AMOTL1: variants seen among roughly 807,000 people sequenced by gnomAD.
AMOTL1 encodes the protein angiomotin-like protein 1.
Under a neutral mutation model 102.9 loss-of-function variants are expected in AMOTL1, and 45 were observed. That is an observed-to-expected ratio of 0.44 (90% CI 0.34 to 0.56). AMOTL1 has a LOEUF of 0.56. Among genes scored for constraint, AMOTL1 ranks in the 20% least tolerant of loss-of-function variants. The probability of loss-of-function intolerance (pLI) is 0.01; values close to 1 mark genes in which losing one functional copy is unlikely to be tolerated. For missense variants in AMOTL1, 1,114 were observed against 1,225.6 expected (o/e 0.91, Z 1.36); for synonymous variants, 481 against 484.7 (o/e 0.99, Z 0.10).
chr11:94,735,608 G>A (rs1239735644), intron 2 of AMOTL1, among the ~76,000 whole-genome samples: 1 of 152,112 alleles, frequency 6.6e-6, no homozygotes, highest in Non-Finnish European at 1.5e-5. Context: ...TGGGAGTGGA[G>A]CAAAATTTCA....
At chr11:94,726,224 G>A (rs530061813) in intron 1 of AMOTL1, among the ~76,000 whole-genome samples, 1 of 152,242 alleles carries the variant, frequency 6.6e-6, no homozygotes, top group African/African-American at 2.4e-5. Context: ...TAACAGGAGA[G>A]TTAAACCTTC....
At chr11:94,716,983 C>T (rs1259734880) in intron 1 of AMOTL1, among the ~76,000 whole-genome samples, 4 of 152,034 alleles carry the variant, frequency 2.6e-5, no homozygotes, top group Non-Finnish European at 5.9e-5. Context: ...CTTACCCTTT[C>T]CCTGCCTCTG....
Position 94,866,096 on chromosome 11 carries a change from C to T in AMOTL1, c.2416C>T (p.Arg806Cys), listed in dbSNP as rs901646322. 12 of 1,613,978 alleles carry T rather than the reference C, an allele frequency of 7.4e-6. No homozygotes were observed. The South Asian group carries it at 1.1e-4, about 15-fold the overall frequency. The change falls in exon 11 of 13, where the codon CGC becomes TGC. Residue 806 changes from arginine (R) to cysteine (C), a missense_variant. Transcript: ENST00000433060. ...AGCAGCAGCTACTGGGACACACTCT[C>T]GCCAGACCTCTCTTACCAGCAGCCA... ...SIAAATGTHS[R>C]QTSLTSSQLA...
intron 4 of AMOTL1, among the ~76,000 whole-genome samples, chr11:94,827,741 G>T (rs537896324): frequency 1.3e-5 from 2 of 152,288 alleles, no homozygotes; most frequent in African/African-American, 2.4e-5. Context: ...GTTGGCTGCC[G>T]CTAAGCAGAA....
chr11:94,752,754 CT>C lies in AMOTL1; in HGVS notation c.136+11769del, dbSNP rs373490618. ...TCTAACAGTCAATAGCTTTTGGAAA[CT>C]TTAGGTTCTTAAGAAAACACAGAAG... On this transcript the variant is annotated intron_variant, in intron 3 of 4. Coordinates refer to the AMOTL1 transcript ENST00000299004. Among the ~76,000 whole-genome samples the C allele has an allele frequency of 1.6e-4, 25 of 152,232 alleles. 1 individual carries two copies. The highest frequency in any genetic ancestry group is 5.1e-4 in the African/African-American group (21 of 41,526).
rs752859060 is a variant in AMOTL1 at position 94,821,727 on chromosome 11, G to C, written c.1319G>C (p.Arg440Pro). 1 of 1,613,998 alleles carries C rather than the reference G, an allele frequency of 6.2e-7. No homozygotes were observed. Among genetic ancestry groups the C allele is most frequent in the South Asian group, 1.1e-5 (1 of 91,076 alleles). The change falls in exon 4 of 13, where the codon CGA (arginine) becomes CCA (proline). Residue 440 changes from arginine to proline, a missense_variant. Transcript: ENST00000433060. ...CCAGATGCCTTTGCGATTGTGGAGC[G>C]AGCCCAGCAAATGGTGGAGATATTA... ...LGPDAFAIVE[R>P]AQQMVEILTE...
At chr11:94,737,483 C>T (rs1359001059) in intron 2 of AMOTL1, among the ~76,000 whole-genome samples, 5 of 152,180 alleles carry the variant, frequency 3.3e-5, no homozygotes, top group Non-Finnish European at 5.9e-5. Context: ...GCTCCAAGTG[C>T]ATTAGTTTAT....
chr11:94,840,378 A>T (rs987228091), intron 6 of AMOTL1, among the ~76,000 whole-genome samples: 1 of 152,010 alleles, frequency 6.6e-6, no homozygotes, highest in Non-Finnish European at 1.5e-5. Flanking sequence ...TCTGTTACTA[A>T]TTTTCTTTTT....
In AMOTL1 at chr11:94,872,794, G is replaced by A. The variant is rs1316930913; in HGVS notation, c.*1999G>A. On this transcript the variant is annotated 3_prime_UTR_variant, in exon 13 of 13. Transcript: ENST00000433060. Reference sequence around the variant, plus strand: ...TGGAGCTCACCCCATGCCATAGGGTGTGGGAAGAGGGCACAGGAGGCCTCA... The same window carrying A: ...TGGAGCTCACCCCATGCCATAGGGTATGGGAAGAGGGCACAGGAGGCCTCA... 1 of 152,306 alleles carries A rather than the reference G, an allele frequency of 6.6e-6. No individual in the cohort carries two copies. The highest frequency in any genetic ancestry group is 1.5e-5 in the Non-Finnish European group (1 of 68,122). 9.4% of individuals were successfully genotyped at this position (152,306 alleles called of 1,614,324 possible).
intron 1 of AMOTL1, among the ~76,000 whole-genome samples, chr11:94,707,244 C>CTGTGTGTGTGTGTG (rs1224329236): frequency 3.1e-4 from 17 of 55,398 alleles, no homozygotes; most frequent in Admixed American, 1.1e-3. Context: ...CTCTCTCTCT[C>CTGTGTGTGTGTGTG]TCTCTCTGTG....
intron 9 of AMOTL1, among the ~76,000 whole-genome samples, chr11:94,863,280 A>T (rs1389436418): frequency 2.9e-5 from 3 of 104,994 alleles, no homozygotes; most frequent in South Asian, 2.8e-4. Context: ...GCTATTCTGT[A>T]AAAAAAAAAA....
intron 6 of AMOTL1, among the ~76,000 whole-genome samples, chr11:94,844,017 A>G (rs539466201): frequency 1.3e-5 from 2 of 152,106 alleles, no homozygotes; most frequent in Admixed American, 6.5e-5. Flanking sequence ...TCCTTTGTCT[A>G]TGGCCTCTTC....
intron 1 of AMOTL1, among the ~76,000 whole-genome samples, chr11:94,717,112 G>C (rs1407393766): frequency 6.6e-6 from 1 of 151,820 alleles, no homozygotes; most frequent in African/African-American, 2.4e-5. Context: ...GAAAACCAGG[G>C]AAATCACTAT....
At chr11:94,746,246 G>A (rs1950589175) in intron 3 of AMOTL1, among the ~76,000 whole-genome samples, 1 of 152,132 alleles carries the variant, frequency 6.6e-6, no homozygotes, top group African/African-American at 2.4e-5. Flanking sequence ...TTGAGATGGT[G>A]GTACCATTTT....
chr11:94,753,088 T>C (rs772920538), intron 3 of AMOTL1, among the ~76,000 whole-genome samples: 2 of 152,200 alleles, frequency 1.3e-5, no homozygotes, highest in Non-Finnish European at 2.9e-5. Flanking sequence ...GTATTTGCTG[T>C]GAACTAAGGA....
At chr11:94,746,468 A>C (rs996470082) in intron 3 of AMOTL1, among the ~76,000 whole-genome samples, 22 of 152,200 alleles carry the variant, frequency 1.4e-4, no homozygotes, top group Non-Finnish European at 2.9e-5. Context: ...CATAACCTGC[A>C]TCACTCATAC....
At chr11:94,770,594 C>G (rs1261189722) in intron 1 of AMOTL1, among the ~76,000 whole-genome samples, 1 of 152,162 alleles carries the variant, frequency 6.6e-6, no homozygotes, top group African/African-American at 2.4e-5. Context: ...TGTAACGCCC[C>G]TTTCCCTCCC....
At chr11:94,801,078 T>C (rs1951469583) in intron 3 of AMOTL1, among the ~76,000 whole-genome samples, 1 of 152,130 alleles carries the variant, frequency 6.6e-6, no homozygotes, top group Non-Finnish European at 1.5e-5. Flanking sequence ...TGTGCTGTTC[T>C]AGGAGAGAAA....
rs528752471 is a variant in AMOTL1, at chr11:94,832,280, G to A, written c.1648+739G>A. On this transcript the variant is annotated intron_variant, in intron 6 of 12. Transcript: ENST00000433060. The stretch of plus-strand genomic sequence containing the variant: ...TAATTCTCAATAAGATTATGAGTAA[G>A]TGCTCACAAAGTTAAGACAATTCAG... Among the ~76,000 whole-genome samples the A allele has an allele frequency of 5.3e-5, 8 of 152,302 alleles. No homozygotes were observed. The South Asian group carries it at 1.7e-3, about 32-fold the overall frequency.
Sources: gnomAD v4.1 joint callset for allele counts (sites outside exome capture counted in the v4.1 genomes callset) on GRCh38, gnomAD v4.1.1 for gene constraint, MANE v1.5 for transcripts, NCBI Gene and HGNC (gene_info 2026-07-23, HGNC 2026-07-21) for gene names.